The following PTPRG variants were observed in gnomAD, a reference collection of about 807,000 sequenced individuals.
The protein encoded by PTPRG is protein tyrosine phosphatase receptor type G.
In PTPRG, 102 loss-of-function variants were observed where a neutral mutation model predicts 165.3. That is an observed-to-expected ratio of 0.62 (90% CI 0.53 to 0.73). PTPRG has a LOEUF of 0.73. Ranked by LOEUF, PTPRG falls within the 30% of genes least tolerant of loss-of-function variation. The pLI is 0.00. For missense variants in PTPRG, 1,866 were observed against 1,861.4 expected (o/e 1.00, Z -0.05); for synonymous variants, 675 against 669.5 (o/e 1.01, Z -0.13).
At chr3:62,081,856 C>T (rs1157080815) in intron 5 of PTPRG, among the ~76,000 whole-genome samples, 1 of 152,144 alleles carries the variant, frequency 6.6e-6, no homozygotes, top group African/African-American at 2.4e-5. Context: ...AAATTCAAAC[C>T]TGGCATCTTA....
intron 5 of PTPRG, among the ~76,000 whole-genome samples, chr3:62,122,634 T>G (rs114884456): frequency 0.01 from 1,548 of 152,348 alleles, 25 homozygotes; most frequent in African/African-American, 0.034. Flanking sequence ...TTTCTATGTT[T>G]GTTTAAACAT....
chr3:61,938,597 T>C (rs572400565), intron 2 of PTPRG, among the ~76,000 whole-genome samples: 1 of 152,364 alleles, frequency 6.6e-6, no homozygotes, highest in Admixed American at 6.5e-5. Context: ...TAGTTATTTT[T>C]CCTAATAACC....
rs78551040 is a variant in PTPRG, at chr3:61,764,519, G to C, written c.190+15537G>C. On this transcript the variant is annotated intron_variant, in intron 2 of 29. Coordinates refer to ENST00000474889, the MANE Select transcript of PTPRG (RefSeq NM_002841.4). Reference sequence around the variant, plus strand: ...ATCATTCTGTGAAATAAAGTGTAAAGTGAGGTGGTGCCTAGAGAGGGATTT... The same window carrying C: ...ATCATTCTGTGAAATAAAGTGTAAACTGAGGTGGTGCCTAGAGAGGGATTT... 7.9e-3 allele frequency among the ~76,000 whole-genome samples: 1,205 copies of C among 152,058 alleles called. 11 individuals are homozygous for C. Among genetic ancestry groups the C allele is most frequent in the African/African-American group, 0.026 (1,072 of 41,494 alleles).
chr3:62,277,981 A>G (rs1241222865), intron 26 of PTPRG, among the ~76,000 whole-genome samples: 1 of 151,954 alleles, frequency 6.6e-6, no homozygotes, highest in African/African-American at 2.4e-5. Flanking sequence ...GACTACACCA[A>G]CCTCTTCCCT....
intron 6 of PTPRG, among the ~76,000 whole-genome samples, chr3:62,139,540 G>C (rs987357968): frequency 6.6e-6 from 1 of 152,196 alleles, no homozygotes; most frequent in African/African-American, 2.4e-5. Context: ...CTAGACGGCT[G>C]CTCTCTCTCG....
chr3:61,681,075 A>AAAG (rs1553648898), intron 1 of PTPRG, among the ~76,000 whole-genome samples: 18 of 150,308 alleles, frequency 1.2e-4, no homozygotes, highest in Middle Eastern at 3.4e-3. Flanking sequence ...AAAAAAAAAA[A>AAAG]AAGAAGAAGA....
At chr3:61,567,838 G>A (rs1490553203) in intron 1 of PTPRG, among the ~76,000 whole-genome samples, 4 of 151,560 alleles carry the variant, frequency 2.6e-5, no homozygotes, top group Admixed American at 2.0e-4. Context: ...ACAAAAATTA[G>A]CTGTACTTGG....
At chr3:62,193,613 A>G (rs1377069420) in intron 9 of PTPRG, among the ~76,000 whole-genome samples, 1 of 152,210 alleles carries the variant, frequency 6.6e-6, no homozygotes. Context: ...CATCGTCACC[A>G]CAAACCTGTG....
intron 4 of PTPRG, among the ~76,000 whole-genome samples, chr3:62,051,319 G>A (rs1046313272): frequency 2.0e-5 from 3 of 152,170 alleles, no homozygotes; most frequent in Non-Finnish European, 1.5e-5. Context: ...AACTGCCCTG[G>A]AACACTGGAT....
chr3:62,232,659 T>C (rs967442193), intron 14 of PTPRG, among the ~76,000 whole-genome samples: 2 of 152,234 alleles, frequency 1.3e-5, no homozygotes, highest in Admixed American at 1.3e-4. Context: ...ATTTCTTTTA[T>C]GTACTTCGAC....
intron 2 of PTPRG, among the ~76,000 whole-genome samples, chr3:61,858,048 G>A (rs2037162298): frequency 6.6e-6 from 1 of 152,132 alleles, no homozygotes. Flanking sequence ...GGCTTAAACT[G>A]ATACATGTTT....
intron 16 of PTPRG, among the ~76,000 whole-genome samples, chr3:62,256,865 T>C (rs754431044): frequency 6.6e-6 from 1 of 152,196 alleles, no homozygotes; most frequent in Non-Finnish European, 1.5e-5. Flanking sequence ...AAATGGGCTT[T>C]GCTGCATCAA....
intron 8 of PTPRG, among the ~76,000 whole-genome samples, chr3:62,176,085 G>C (rs1005519211): frequency 6.6e-6 from 1 of 152,184 alleles, no homozygotes; most frequent in Non-Finnish European, 1.5e-5. Context: ...TATTGTTCTG[G>C]CTGTTATGTG....
At chr3:61,866,011 T>G (rs2037396048) in intron 2 of PTPRG, among the ~76,000 whole-genome samples, 1 of 152,180 alleles carries the variant, frequency 6.6e-6, no homozygotes, top group Non-Finnish European at 1.5e-5. Context: ...TGTTTACAGA[T>G]AGAATCTTTA....
chr3:62,207,352 A>G (rs1017058104), intron 12 of PTPRG, among the ~76,000 whole-genome samples: 26 of 152,370 alleles, frequency 1.7e-4, no homozygotes, highest in African/African-American at 6.0e-4. Flanking sequence ...CCTGTTGATT[A>G]GTAAAGGACG....
chr3:61,820,012 AAAAG>A (rs2035904812), intron 2 of PTPRG, among the ~76,000 whole-genome samples: 1 of 152,226 alleles, frequency 6.6e-6, no homozygotes, highest in Non-Finnish European at 1.5e-5. Flanking sequence ...TTAATAATAA[AAAAG>A]AATACATTGG....
intron 1 of PTPRG, among the ~76,000 whole-genome samples, chr3:61,671,742 G>C (rs774117415): frequency 3.4e-5 from 1 of 29,602 alleles, no homozygotes; most frequent in Non-Finnish European, 5.9e-5. Context: ...CTCACCTCCT[G>C]GACGGGGCGG....
chr3:61,626,419 C>T (rs925070485), intron 1 of PTPRG, among the ~76,000 whole-genome samples: 31 of 151,966 alleles, frequency 2.0e-4, no homozygotes, highest in South Asian at 6.2e-4. Flanking sequence ...TTTTCTTTAA[C>T]GCAAAACATA....
At chr3:61,838,875 C>A (rs1032768083) in intron 2 of PTPRG, among the ~76,000 whole-genome samples, 2 of 152,130 alleles carry the variant, frequency 1.3e-5, no homozygotes, top group South Asian at 4.1e-4. Flanking sequence ...TTCCAGAATT[C>A]TGAGAGTTTG....
Sources: gnomAD v4.1 joint callset for allele counts (sites outside exome capture counted in the v4.1 genomes callset) on GRCh38, gnomAD v4.1.1 for gene constraint, MANE v1.5 for transcripts, NCBI Gene and HGNC (gene_info 2026-07-23, HGNC 2026-07-21) for gene names.